Variants in PDLIM5 observed in about 807,000 individuals in gnomAD.
The protein encoded by PDLIM5 is PDZ and LIM domain 5.
Under a neutral mutation model 64.2 loss-of-function variants are expected in PDLIM5, and 34 were observed. The ratio of observed to expected loss-of-function variants is 0.53; its 90% CI spans 0.40 to 0.71. The LOEUF is 0.71. Ranked by LOEUF, PDLIM5 falls within the 30% of genes least tolerant of loss-of-function variation. The probability of loss-of-function intolerance (pLI) is 0.00; values close to 1 mark genes in which losing one functional copy is unlikely to be tolerated. For missense variants in PDLIM5, 683 were observed against 733.6 expected (o/e 0.93, Z 0.80); for synonymous variants, 253 against 269.1 (o/e 0.94, Z 0.59).
rs374053347 is a variant in PDLIM5 at position 94,492,796 on chromosome 4, C to T, written c.97-30928C>T. 4.6e-5 allele frequency among the ~76,000 whole-genome samples: 7 copies of T among 152,130 alleles called. No homozygotes were observed. The South Asian group carries it at 1.5e-3, about 32-fold the overall frequency. The stretch of plus-strand genomic sequence containing the variant: ...AGTTGGTGGTCATTTAGGTAGTTTC[C>T]ACTTTTTTGCTATTGTGAATCCTGC... On this transcript the variant is annotated intron_variant, in intron 2 of 12. Transcript: ENST00000317968.
chr4:94,649,119 G>A (rs1448770219), intron 9 of PDLIM5, among the ~76,000 whole-genome samples: 3 of 152,054 alleles, frequency 2.0e-5, no homozygotes, highest in Non-Finnish European at 2.9e-5. Flanking sequence ...AAGACCACGG[G>A]CACGTGCCAC....
At chr4:94,576,466 T>G (rs765304794) in intron 5 of PDLIM5, among the ~76,000 whole-genome samples, 2 of 152,020 alleles carry the variant, frequency 1.3e-5, no homozygotes, top group Non-Finnish European at 2.9e-5. Context: ...TTGTAAGGGG[T>G]TTTTTTTCTA....
At chr4:94,625,208 G>T (rs1739567213) in intron 8 of PDLIM5, among the ~76,000 whole-genome samples, 1 of 152,108 alleles carries the variant, frequency 6.6e-6, no homozygotes, top group African/African-American at 2.4e-5. Flanking sequence ...GTGGAGGATT[G>T]TATTCAGTTT....
chr4:94,658,790 G>A (rs1472943109), intron 11 of PDLIM5, among the ~76,000 whole-genome samples: 1 of 152,182 alleles, frequency 6.6e-6, no homozygotes. Flanking sequence ...TACCCCATGG[G>A]CTGTTTTGGG....
chr4:94,567,244 T>C (rs768792844), intron 3 of PDLIM5, among the ~76,000 whole-genome samples: 12 of 152,204 alleles, frequency 7.9e-5, no homozygotes, highest in Non-Finnish European at 1.2e-4. Context: ...CTGCCCACCT[T>C]GGCCTCCCAA....
chr4:94,557,305 A>C (rs1025477542), intron 3 of PDLIM5, among the ~76,000 whole-genome samples: 4 of 151,120 alleles, frequency 2.6e-5, no homozygotes, highest in Non-Finnish European at 5.9e-5. Context: ...TTTGGTTACT[A>C]TAGCCTTGTA....
At chr4:94,510,913 C>T (rs895254641) in intron 2 of PDLIM5, among the ~76,000 whole-genome samples, 8 of 152,110 alleles carry the variant, frequency 5.3e-5, no homozygotes, top group African/African-American at 1.9e-4. Context: ...AAAAATAATA[C>T]GTATGTAGCA....
At chr4:94,619,889 T>C (rs188479375) in intron 8 of PDLIM5, among the ~76,000 whole-genome samples, 103 of 152,258 alleles carry the variant, frequency 6.8e-4, no homozygotes, top group African/African-American at 2.1e-3. Flanking sequence ...TCCCAAAGCA[T>C]TGGGATTACA....
chr4:94,532,867 G>A lies in PDLIM5; in HGVS notation c.248+8992G>A, dbSNP rs191574197. Among the ~76,000 whole-genome samples the A allele has an allele frequency of 5.3e-5, 8 of 152,278 alleles. No individual in the cohort carries two copies. In the East Asian group the frequency reaches 7.7e-4, roughly 15 times the overall value. On this transcript the variant is annotated intron_variant, in intron 3 of 12. Transcript: ENST00000317968. The stretch of plus-strand genomic sequence containing the variant: ...TACAGAAAAATATTTAGTAGGATGC[G>A]GTGGTACGCGTCTGTATTCCAGCTA...
chr4:94,630,415 C>T (rs1415606058), intron 8 of PDLIM5, among the ~76,000 whole-genome samples: 1 of 152,068 alleles, frequency 6.6e-6, no homozygotes, highest in Non-Finnish European at 1.5e-5. Flanking sequence ...CACTCTGTCA[C>T]CCAGGCTGGA....
chr4:94,582,352 T>C (rs1029073258), intron 5 of PDLIM5, among the ~76,000 whole-genome samples: 1 of 152,186 alleles, frequency 6.6e-6, no homozygotes, highest in Non-Finnish European at 1.5e-5. Flanking sequence ...AAATGATTTT[T>C]ATAAAACCTT....
intron 7 of PDLIM5, among the ~76,000 whole-genome samples, chr4:94,586,738 G>A (rs1736240038): frequency 6.6e-6 from 1 of 152,156 alleles, no homozygotes. Flanking sequence ...ATGAGCTCGT[G>A]TGTTGTCTTG....
chr4:94,474,645 T>C (rs1464287341), intron 2 of PDLIM5, among the ~76,000 whole-genome samples: 1 of 152,200 alleles, frequency 6.6e-6, no homozygotes, highest in East Asian at 1.9e-4. Context: ...AGACTATTTT[T>C]ATTAAAATTT....
intron 3 of PDLIM5, among the ~76,000 whole-genome samples, chr4:94,557,035 G>T (rs867567071): frequency 5.9e-4 from 89 of 152,116 alleles, no homozygotes; most frequent in Middle Eastern, 3.4e-3. Flanking sequence ...TTTTATGGTT[G>T]TAGGTCTAAC....
intron 2 of PDLIM5, among the ~76,000 whole-genome samples, chr4:94,517,897 A>T (rs1729501578): frequency 6.6e-6 from 1 of 152,198 alleles, no homozygotes; most frequent in South Asian, 2.1e-4. Flanking sequence ...TCTATTTAGT[A>T]AACATCTGAC....
intron 2 of PDLIM5, among the ~76,000 whole-genome samples, chr4:94,461,266 C>T (rs1401315997): frequency 6.6e-6 from 1 of 152,006 alleles, no homozygotes; most frequent in Non-Finnish European, 1.5e-5. Flanking sequence ...ATATTGAGTA[C>T]GTGACATAAA....
intron 7 of PDLIM5, among the ~76,000 whole-genome samples, chr4:94,609,953 A>G (rs1271234844): frequency 6.6e-6 from 1 of 152,222 alleles, no homozygotes; most frequent in Non-Finnish European, 1.5e-5. Context: ...AATCAGCTTT[A>G]TGGAGGATTA....
chr4:94,470,653 G>C (rs1724789628), intron 2 of PDLIM5, among the ~76,000 whole-genome samples: 2 of 152,188 alleles, frequency 1.3e-5, no homozygotes, highest in Non-Finnish European at 2.9e-5. Flanking sequence ...GAGATCACTT[G>C]ATTAGAGTTA....
chr4:94,595,194 C>T (rs1292896626), intron 7 of PDLIM5, among the ~76,000 whole-genome samples: 1 of 152,174 alleles, frequency 6.6e-6, no homozygotes, highest in Non-Finnish European at 1.5e-5. Flanking sequence ...AGGTCCCTCC[C>T]TCAACACGTG....
Sources: allele counts gnomAD v4.1 joint callset (sites outside exome capture counted in the v4.1 genomes callset), GRCh38; gene constraint gnomAD v4.1.1; transcripts MANE v1.5; gene names NCBI Gene and HGNC (gene_info 2026-07-23, HGNC 2026-07-21).